ANO3: variants seen among roughly 807,000 people sequenced by gnomAD.
ANO3 encodes anoctamin-3.
ANO3 carries 99 observed loss-of-function variants against 144.8 expected under a neutral mutation model. The ratio of observed to expected loss-of-function variants is 0.68; its 90% CI spans 0.58 to 0.81. The LOEUF (loss-of-function observed/expected upper bound fraction) is 0.81, where lower values mean the gene tolerates loss of function less well. Ranked by LOEUF, ANO3 falls within the 30% of genes least tolerant of loss-of-function variation. ANO3 has a pLI of 0.00. For missense variants in ANO3, 905 were observed against 1,202.2 expected (o/e 0.75, Z 3.66); for synonymous variants, 414 against 392.6 (o/e 1.05, Z -0.64).
chr11:26,259,741 A>T (rs1017471954), intron 1 of ANO3, among the ~76,000 whole-genome samples: 5 of 152,246 alleles, frequency 3.3e-5, no homozygotes, highest in Admixed American at 2.0e-4. Flanking sequence ...ACTATGCACC[A>T]TTTATCAGTG....
intron 1 of ANO3, among the ~76,000 whole-genome samples, chr11:26,271,570 A>G (rs1378713320): frequency 1.3e-5 from 2 of 152,120 alleles, no homozygotes; most frequent in African/African-American, 4.8e-5. Context: ...CTCTTTCTAC[A>G]CATTTTATCA....
intron 6 of ANO3, among the ~76,000 whole-genome samples, chr11:26,519,875 A>AC (rs1482790449): frequency 6.7e-6 from 1 of 150,342 alleles, no homozygotes; most frequent in Non-Finnish European, 1.5e-5. Flanking sequence ...ATTCTGCAGT[A>AC]CTCTATCCAG....
chr11:26,379,032 A>G (rs1856502818), intron 1 of ANO3, among the ~76,000 whole-genome samples: 1 of 124,934 alleles, frequency 8.0e-6, no homozygotes, highest in Non-Finnish European at 1.7e-5. Context: ...GTATAGCATT[A>G]TGAAACAGTG....
At chr11:26,191,361 C>CACACAT (rs1554920308) in intron 1 of ANO3, among the ~76,000 whole-genome samples, 1 of 150,716 alleles carries the variant, frequency 6.6e-6, no homozygotes, top group Non-Finnish European at 1.5e-5. Flanking sequence ...CACACACACA[C>CACACAT]ATATATATAT....
At position 26,425,510 on chromosome 11, in the gene ANO3, G is replaced by GT. The variant is rs922771105; in HGVS notation, c.47-16400dup. ...AAACAAACAATATGAGTGAAATATA[G>GT]TTTTTTTTATCTTAAGGTAAATATA... is the stretch of plus-strand genomic sequence containing the variant. On this transcript the variant is annotated intron_variant, in intron 1 of 26. Coordinates refer to ENST00000256737, the MANE Select transcript of ANO3 (RefSeq NM_031418.4). Among the ~76,000 whole-genome samples, 17 of 151,828 alleles carry GT rather than the reference G, an allele frequency of 1.1e-4. No individual in the cohort carries two copies. The South Asian group carries it at 1.2e-3, about 11-fold the overall frequency.
chr11:26,523,699 T>C (rs1324101922), intron 6 of ANO3, among the ~76,000 whole-genome samples: 2 of 152,230 alleles, frequency 1.3e-5, no homozygotes, highest in Non-Finnish European at 2.9e-5. Flanking sequence ...ATATAAGTGT[T>C]CTAAAAAGTA....
chr11:26,337,147 A>C (rs1449628283), intron 1 of ANO3, among the ~76,000 whole-genome samples: 1 of 152,166 alleles, frequency 6.6e-6, no homozygotes, highest in African/African-American at 2.4e-5. Context: ...GAATATAGAG[A>C]TATTTCAACC....
At chr11:26,580,010 C>CCT (rs1290618188) in intron 14 of ANO3, among the ~76,000 whole-genome samples, 1 of 151,428 alleles carries the variant, frequency 6.6e-6, no homozygotes, top group African/African-American at 2.4e-5. Context: ...TTTGGAAGCC[C>CCT]CTTTTAAGAA....
At chr11:26,452,895 A>C (rs1859002123) in intron 3 of ANO3, among the ~76,000 whole-genome samples, 2 of 152,246 alleles carry the variant, frequency 1.3e-5, no homozygotes, top group Admixed American at 1.3e-4. Context: ...CAGAAACTCT[A>C]CAAGCCAGAA....
intron 1 of ANO3, among the ~76,000 whole-genome samples, chr11:26,355,045 A>G (rs570153941): frequency 2.0e-5 from 3 of 146,566 alleles, no homozygotes; most frequent in South Asian, 2.1e-4. Flanking sequence ...ATGCCCCTTC[A>G]TCTTATCTGT....
chr11:26,306,682 A>G (rs566407337), upstream of ANO3, among the ~76,000 whole-genome samples: 33 of 152,182 alleles, frequency 2.2e-4, no homozygotes, highest in South Asian at 6.8e-3. Flanking sequence ...AAGAAAACAT[A>G]TTTTTTAAAA....
chr11:26,512,189 A>C (rs1195922106), intron 5 of ANO3, among the ~76,000 whole-genome samples: 2 of 152,214 alleles, frequency 1.3e-5, no homozygotes, highest in Non-Finnish European at 2.9e-5. Flanking sequence ...GCTATGAGCT[A>C]TCTTATCCTA....
At chr11:26,510,021 C>A (rs1861597569) in intron 5 of ANO3, among the ~76,000 whole-genome samples, 1 of 151,404 alleles carries the variant, frequency 6.6e-6, no homozygotes, top group Admixed American at 6.6e-5. Context: ...GTAGTCCCAG[C>A]TACTCTGGAG....
intron 3 of ANO3, among the ~76,000 whole-genome samples, chr11:26,450,955 T>C (rs1355694691): frequency 6.6e-6 from 1 of 152,220 alleles, no homozygotes; most frequent in Non-Finnish European, 1.5e-5. Context: ...AATAGTCTGC[T>C]ATATTATATT....
intron 6 of ANO3, among the ~76,000 whole-genome samples, chr11:26,517,652 A>T (rs1861910962): frequency 6.6e-6 from 1 of 152,066 alleles, no homozygotes. Flanking sequence ...TAAAAGGTTC[A>T]GCACAAACAG....
chr11:26,306,525 G>T (rs1223139581), upstream of ANO3, among the ~76,000 whole-genome samples: 2 of 151,990 alleles, frequency 1.3e-5, no homozygotes, highest in African/African-American at 4.8e-5. Context: ...TTAGCCAGGT[G>T]CAGTGGTGTG....
At chr11:26,428,150 A>G (rs1857973880) in intron 1 of ANO3, among the ~76,000 whole-genome samples, 1 of 152,218 alleles carries the variant, frequency 6.6e-6, no homozygotes, top group South Asian at 2.1e-4. Flanking sequence ...AACATAATCA[A>G]CAAACATTCA....
intron 4 of ANO3, among the ~76,000 whole-genome samples, chr11:26,472,864 C>CT (rs1372294454): frequency 6.6e-6 from 1 of 151,848 alleles, no homozygotes; most frequent in Non-Finnish European, 1.5e-5. Context: ...GGAATTATCA[C>CT]TGTAGAGAAG....
In ANO3 at chr11:26,197,231, AAAG is replaced by A. The variant is rs376670396; in HGVS notation, c.154+7905_154+7907del. ...AGTACCTTATGTGATAGATGGTTAC[AAAG>A]AAGGAGAAGGCAACAGAAAACAAAA... On this transcript the variant is annotated intron_variant, in intron 1 of 27. Transcript: ENST00000672621. Among the ~76,000 whole-genome samples the A allele has an allele frequency of 3.4e-3, 517 of 152,334 alleles. 3 individuals are homozygous for A. Among genetic ancestry groups the A allele is most frequent in the African/African-American group, 0.012 (491 of 41,578 alleles).
Sources: allele counts gnomAD v4.1 joint callset (sites outside exome capture counted in the v4.1 genomes callset), GRCh38; gene constraint gnomAD v4.1.1; transcripts MANE v1.5; gene names NCBI Gene and HGNC (gene_info 2026-07-23, HGNC 2026-07-21).